PXDNL: variants seen among roughly 807,000 people sequenced by gnomAD.
PXDNL encodes the protein probable oxidoreductase PXDNL.
PXDNL carries 145 observed loss-of-function variants against 150.8 expected under a neutral mutation model. The observed-to-expected ratio is 0.96, with a 90% confidence interval of 0.84 to 1.10. PXDNL has a LOEUF of 1.10. Ranked by LOEUF, PXDNL falls within the 50% of genes least tolerant of loss-of-function variation. The pLI, the probability that PXDNL is intolerant of heterozygous loss-of-function variation, is 0.00. For missense variants in PXDNL, 2,087 were observed against 1,873.9 expected (o/e 1.11, Z -2.10); for synonymous variants, 757 against 725.7 (o/e 1.04, Z -0.69).
intron 5 of PXDNL, among the ~76,000 whole-genome samples, chr8:51,487,890 A>G (rs373806960): frequency 4.6e-5 from 7 of 152,314 alleles, no homozygotes; most frequent in African/African-American, 1.4e-4. Context: ...TTGTCAAATC[A>G]TAACAATAAA....
intron 14 of PXDNL, 57 bp downstream of exon 14, chr8:51,423,518 T>C: frequency 6.8e-7 from 1 of 1,477,474 alleles, no homozygotes; most frequent in South Asian, 1.2e-5. Flanking sequence ...AGGATTGGGG[T>C]AGAAGCTGTT....
intron 1 of PXDNL, among the ~76,000 whole-genome samples, chr8:51,751,619 C>T (rs933754106): frequency 6.6e-6 from 1 of 152,196 alleles, no homozygotes; most frequent in Non-Finnish European, 1.5e-5. Context: ...TATTTGGTCT[C>T]ATTAAAAACT....
intron 17 of PXDNL, among the ~76,000 whole-genome samples, chr8:51,379,893 A>G (rs1807479985): frequency 6.6e-6 from 1 of 152,166 alleles, no homozygotes; most frequent in South Asian, 2.1e-4. Flanking sequence ...GTACCGCACC[A>G]CTTACTGAAT....
chr8:51,600,951 C>A (rs1443767583), intron 2 of PXDNL, among the ~76,000 whole-genome samples: 3 of 134,532 alleles, frequency 2.2e-5, no homozygotes, highest in Admixed American at 7.4e-5. Flanking sequence ...TAAATTATAT[C>A]TTCTATAAAT....
At chr8:51,349,227 C>A (rs1233487792) in intron 19 of PXDNL, among the ~76,000 whole-genome samples, 2 of 152,002 alleles carry the variant, frequency 1.3e-5, no homozygotes. Flanking sequence ...TGGTTGCCCC[C>A]ACCCTGACGC....
chr8:51,538,698 C>T (rs948087038), intron 4 of PXDNL, among the ~76,000 whole-genome samples: 11 of 151,898 alleles, frequency 7.2e-5, no homozygotes, highest in Non-Finnish European at 1.5e-4. Context: ...ATCTGGGAAG[C>T]GGAGGTTGCA....
intron 1 of PXDNL, among the ~76,000 whole-genome samples, chr8:51,668,111 G>C (rs529442432): frequency 6.7e-6 from 1 of 149,086 alleles, no homozygotes; most frequent in South Asian, 2.2e-4. Flanking sequence ...TGGGTATTTT[G>C]ATGAATGTTA....
chr8:51,772,643 C>A (rs1373866138), intron 1 of PXDNL, among the ~76,000 whole-genome samples: 3 of 152,160 alleles, frequency 2.0e-5, no homozygotes, highest in African/African-American at 7.2e-5. Context: ...ATTTTGCCTT[C>A]AGGCTGGGGT....
At chr8:51,665,929 G>A (rs183812502) in intron 1 of PXDNL, among the ~76,000 whole-genome samples, 49 of 152,310 alleles carry the variant, frequency 3.2e-4, no homozygotes, top group African/African-American at 9.6e-4. Flanking sequence ...TCAACTATGC[G>A]ATGTTCTTTT....
chr8:51,428,312 C>A (rs1334724998), intron 12 of PXDNL, among the ~76,000 whole-genome samples: 1 of 24,666 alleles, frequency 4.1e-5, no homozygotes, highest in East Asian at 1.8e-3. Flanking sequence ...AGGTTTAATA[C>A]AATTCTCATT....
intron 4 of PXDNL, among the ~76,000 whole-genome samples, chr8:51,532,344 G>A (rs1377661943): frequency 6.6e-6 from 1 of 152,188 alleles, no homozygotes; most frequent in Non-Finnish European, 1.5e-5. Context: ...TGGCAGTACC[G>A]TTCACCAACT....
At chr8:51,641,752 TTGG>T (rs1814761220) in intron 2 of PXDNL, among the ~76,000 whole-genome samples, 1 of 152,086 alleles carries the variant, frequency 6.6e-6, no homozygotes, top group Non-Finnish European at 1.5e-5. Context: ...TTTTACACTC[TTGG>T]TGGGACTGTA....
chr8:51,792,498 C>T (rs1447207201), intron 1 of PXDNL, among the ~76,000 whole-genome samples: 1 of 152,242 alleles, frequency 6.6e-6, no homozygotes, highest in Non-Finnish European at 1.5e-5. Flanking sequence ...AGCAACCACT[C>T]AGCTGGAGAC....
intron 17 of PXDNL, among the ~76,000 whole-genome samples, chr8:51,396,201 G>T (rs1808076275): frequency 6.6e-6 from 1 of 152,228 alleles, no homozygotes; most frequent in African/African-American, 2.4e-5. Flanking sequence ...AGATTCATGT[G>T]TGTATGATGT....
chr8:51,398,291 C>T (rs1004235813), intron 17 of PXDNL, among the ~76,000 whole-genome samples: 7 of 152,184 alleles, frequency 4.6e-5, no homozygotes, highest in African/African-American at 9.6e-5. Flanking sequence ...ATCCCAGTTC[C>T]GGAAAGCTGA....
chr8:51,458,425 T>C (rs1231764124), intron 8 of PXDNL, among the ~76,000 whole-genome samples: 1 of 152,188 alleles, frequency 6.6e-6, no homozygotes, highest in Non-Finnish European at 1.5e-5. Context: ...CTGGCAAAGA[T>C]TTTTTTCCTT....
In PXDNL at chr8:51,552,417, A is replaced by G. The variant is rs139386549; in HGVS notation, c.380+4423T>C. 3.0e-3 allele frequency among the ~76,000 whole-genome samples: 453 copies of G among 152,316 alleles called. 8 individuals are homozygous for G. Among genetic ancestry groups the G allele is most frequent in the East Asian group, 8.7e-3 (45 of 5,190 alleles). On this transcript the variant is annotated intron_variant, in intron 4 of 22. Transcript: ENST00000356297. ...CAGCACAATTTGCAATTGCAAAAAT[A>G]TGGAACCAGCTTGAATGCCCATCAA... is the stretch of plus-strand genomic sequence containing the variant.
chr8:51,494,530 A>G (rs941669277), intron 5 of PXDNL, among the ~76,000 whole-genome samples: 3 of 152,176 alleles, frequency 2.0e-5, no homozygotes, highest in Non-Finnish European at 4.4e-5. Flanking sequence ...GTATTTAGCA[A>G]ACCCATCTCA....
intron 6 of PXDNL, among the ~76,000 whole-genome samples, chr8:51,480,252 G>A (rs1328507157): frequency 6.6e-6 from 1 of 152,110 alleles, no homozygotes; most frequent in African/African-American, 2.4e-5. Context: ...AAATACCTAA[G>A]ACAGGGTAAT....
Sources: allele counts gnomAD v4.1 joint callset (sites outside exome capture counted in the v4.1 genomes callset), GRCh38; gene constraint gnomAD v4.1.1; transcripts MANE v1.5; gene names NCBI Gene and HGNC (gene_info 2026-07-23, HGNC 2026-07-21).